Variants in SIPA1L1 observed in about 807,000 individuals in gnomAD.
The protein encoded by SIPA1L1 is signal-induced proliferation-associated 1-like protein 1.
SIPA1L1 carries 26 observed loss-of-function variants against 162.7 expected under a neutral mutation model. The observed-to-expected ratio is 0.16, with a 90% confidence interval of 0.12 to 0.22. SIPA1L1 has a LOEUF of 0.22. Among genes scored for constraint, SIPA1L1 ranks in the 10% least tolerant of loss-of-function variants. The probability of loss-of-function intolerance (pLI) is 1.00; values close to 1 mark genes in which losing one functional copy is unlikely to be tolerated. For synonymous variants in SIPA1L1, 829 were observed against 837.4 expected (o/e 0.99, Z 0.17); for missense variants, 1,874 against 2,241.0 (o/e 0.84, Z 3.31).
chr14:71,406,347 T>C (rs1157484775), intron 2 of SIPA1L1, among the ~76,000 whole-genome samples: 2 of 152,242 alleles, frequency 1.3e-5, no homozygotes, highest in Admixed American at 1.3e-4. Flanking sequence ...GCCTTTTTTT[T>C]CAGCCATTTC....
chr14:71,650,522 T>TA lies in SIPA1L1; in HGVS notation c.1993+14dup, dbSNP rs749731609. Reference sequence around the variant, plus strand: ...CTTGATACCAAAAGTAAGAAATACTTACACCCTCCTACTAGGCTTATTTTC... The same window carrying TA: ...CTTGATACCAAAAGTAAGAAATACTTAACACCCTCCTACTAGGCTTATTTTC... On this transcript the variant is annotated intron_variant, in intron 8 of 23. Transcript: ENST00000381232. 4.3e-6 allele frequency: 7 copies of TA among 1,612,124 alleles called. No individual in the cohort carries two copies. The African/African-American group carries it at 9.3e-5, about 22-fold the overall frequency.
chr14:71,734,140 C>T (rs570596621), intron 21 of SIPA1L1, among the ~76,000 whole-genome samples: 6 of 152,378 alleles, frequency 3.9e-5, no homozygotes, highest in African/African-American at 1.2e-4. Context: ...TTCATCACGT[C>T]GCAAGACATT....
intron 21 of SIPA1L1, 51 bp from the exon 22 acceptor site, chr14:71,735,226 G>A (rs1566764511): frequency 8.1e-7 from 1 of 1,237,358 alleles, no homozygotes; most frequent in Admixed American, 1.7e-5. Context: ...TGATAGATAG[G>A]GCCAGGGATG....
At position 71,525,562 on chromosome 14, in the gene SIPA1L1, T is replaced by TA. The variant is rs2052780949; in HGVS notation, c.-361-3749dup. Among the ~76,000 whole-genome samples, 3 of 152,210 alleles carry TA rather than the reference T, an allele frequency of 2.0e-5. No individual in the cohort carries two copies. In the South Asian group the frequency reaches 6.2e-4, roughly 31 times the overall value. On this transcript the variant is annotated intron_variant, in intron 3 of 23. Coordinates refer to ENST00000381232, the MANE Select transcript of SIPA1L1 (RefSeq NM_001386936.1). ...TCATTTCACTAATGACATAAGCCCA[T>TA]ACAATAGAACGTAAATCCTCATAAT...
intron 2 of SIPA1L1, among the ~76,000 whole-genome samples, chr14:71,491,735 C>T (rs961280654): frequency 7.4e-6 from 1 of 135,826 alleles, no homozygotes; most frequent in East Asian, 2.6e-4. Flanking sequence ...CGTGAGCCAC[C>T]GTTTCAGGCT....
chr14:71,684,912 C>G (rs2046151847), intron 12 of SIPA1L1, among the ~76,000 whole-genome samples: 7 of 150,798 alleles, frequency 4.6e-5, no homozygotes, highest in Admixed American at 3.3e-4. Context: ...AGCCCAGTCA[C>G]GATGTGCAGT....
At chr14:71,468,005 G>GGTGTGTGTGTGTGTGT (rs56265408) in intron 2 of SIPA1L1, among the ~76,000 whole-genome samples, 8 of 141,560 alleles carry the variant, frequency 5.7e-5, no homozygotes, top group Non-Finnish European at 9.2e-5. Flanking sequence ...CAGTTAGAGG[G>GGTGTGTGTGTGTGTGT]GTGTGTGTGT....
chr14:71,359,385 C>T (rs1226455324), intron 2 of SIPA1L1, among the ~76,000 whole-genome samples: 1 of 152,170 alleles, frequency 6.6e-6, no homozygotes, highest in Admixed American at 6.5e-5. Context: ...TCGGGTATGT[C>T]ATTATTAGCA....
chr14:71,406,703 G>A (rs2042049966), intron 2 of SIPA1L1, among the ~76,000 whole-genome samples: 1 of 152,078 alleles, frequency 6.6e-6, no homozygotes, highest in South Asian at 2.1e-4. Context: ...TGAAGTTGAA[G>A]TAATATATTT....
intron 2 of SIPA1L1, among the ~76,000 whole-genome samples, chr14:71,392,541 T>C (rs890451296): frequency 1.3e-5 from 2 of 152,200 alleles, no homozygotes; most frequent in South Asian, 4.1e-4. Context: ...ATTGAAACTT[T>C]TTTTTTTGAG....
At chr14:71,461,718 G>C (rs1211798972) in intron 2 of SIPA1L1, among the ~76,000 whole-genome samples, 1 of 152,194 alleles carries the variant, frequency 6.6e-6, no homozygotes, top group Non-Finnish European at 1.5e-5. Context: ...GCACAACCAG[G>C]TGCACTGCTT....
chr14:71,435,811 A>G (rs932116930), intron 2 of SIPA1L1, among the ~76,000 whole-genome samples: 2 of 152,126 alleles, frequency 1.3e-5, no homozygotes, highest in African/African-American at 2.4e-5. Context: ...AAGTATTCCT[A>G]TTTCTCCACA....
intron 3 of SIPA1L1, among the ~76,000 whole-genome samples, chr14:71,523,692 T>A (rs2052584220): frequency 6.6e-6 from 1 of 152,244 alleles, no homozygotes; most frequent in African/African-American, 2.4e-5. Context: ...TTTTTGCATG[T>A]GTCCATTAAA....
In SIPA1L1 at chr14:71,442,163, ACT is replaced by A. The variant is rs1327157186; in HGVS notation, c.-464-70577_-464-70576del. Among the ~76,000 whole-genome samples the A allele has an allele frequency of 9.2e-4, 118 of 128,552 alleles. 1 individual carries two copies. Among genetic ancestry groups the A allele is most frequent in the African/African-American group, 3.6e-3 (111 of 30,642 alleles). The allele number at this position is 128,552 out of a possible 152,430, so 84.3% of individuals were successfully genotyped here. On this transcript the variant is annotated intron_variant, in intron 2 of 23. Transcript: ENST00000381232. Reference sequence around the variant, plus strand: ...ACTCCAGCCTGGATGACAGAGCAAGACTCTGTCTCAAAAAAAAAAAAAAAAAA... The same window carrying A: ...ACTCCAGCCTGGATGACAGAGCAAGACTGTCTCAAAAAAAAAAAAAAAAAA...
In SIPA1L1 at chr14:71,469,119, T is replaced by A. The variant is rs768154071; in HGVS notation, c.-464-43624T>A. Among the ~76,000 whole-genome samples the A allele has an allele frequency of 7.0e-4, 106 of 151,814 alleles. 1 individual carries two copies. Among genetic ancestry groups the A allele is most frequent in the Non-Finnish European group, 1.1e-3 (76 of 67,910 alleles). On this transcript the variant is annotated intron_variant, in intron 2 of 23. Transcript: ENST00000381232. The stretch of plus-strand genomic sequence containing the variant: ...CTCAACCTCTCTGAGACCTTACCAA[T>A]CCGCAGAGTCCACTGGAGTCTCACC...
At chr14:71,587,312 GC>G (rs1022165630) in intron 4 of SIPA1L1, among the ~76,000 whole-genome samples, 2 of 150,812 alleles carry the variant, frequency 1.3e-5, no homozygotes, top group African/African-American at 4.9e-5. Context: ...CCCTCCCCCT[GC>G]CCCCCATTTT....
intron 17 of SIPA1L1, among the ~76,000 whole-genome samples, chr14:71,718,297 G>A (rs1033930306): frequency 6.6e-6 from 1 of 152,180 alleles, no homozygotes; most frequent in Non-Finnish European, 1.5e-5. Context: ...AGCCATACCA[G>A]TGAATTGTTC....
chr14:71,610,504 A>G (rs2038083219), intron 5 of SIPA1L1, among the ~76,000 whole-genome samples: 1 of 152,218 alleles, frequency 6.6e-6, no homozygotes, highest in African/African-American at 2.4e-5. Flanking sequence ...TTAAAGACCA[A>G]CAAAAGACAT....
At chr14:71,393,692 G>A (rs1473732096) in intron 2 of SIPA1L1, among the ~76,000 whole-genome samples, 1 of 152,116 alleles carries the variant, frequency 6.6e-6, no homozygotes, top group East Asian at 1.9e-4. Context: ...TTGGTGGCAT[G>A]TACCTGAAGT....
Sources: gnomAD v4.1 joint callset for allele counts (sites outside exome capture counted in the v4.1 genomes callset) on GRCh38, gnomAD v4.1.1 for gene constraint, MANE v1.5 for transcripts, NCBI Gene and HGNC (gene_info 2026-07-23, HGNC 2026-07-21) for gene names.